The following CA13 variants were observed in gnomAD, a reference collection of about 807,000 sequenced individuals.
CA13 encodes the protein carbonic anhydrase 13, also known as CA-XIII.
Under a neutral mutation model 31.5 loss-of-function variants are expected in CA13, and 21 were observed. The ratio of observed to expected loss-of-function variants is 0.67; its 90% CI spans 0.47 to 0.96. The LOEUF (loss-of-function observed/expected upper bound fraction) is 0.96, where lower values mean the gene tolerates loss of function less well. Among genes scored for constraint, CA13 ranks in the 40% least tolerant of loss-of-function variants. The pLI, the probability that CA13 is intolerant of heterozygous loss-of-function variation, is 0.00. For synonymous variants in CA13, 117 were observed against 111.4 expected, an observed-to-expected ratio of 1.05 and a Z score of -0.32; for missense variants, 315 against 318.9, an observed-to-expected ratio of 0.99 and a Z score of 0.09.
intron 3 of CA13, 69 bp downstream of exon 3, chr8:85,259,608 AC>A (rs775508883): frequency 5.4e-5 from 67 of 1,247,386 alleles, no homozygotes; most frequent in Admixed American, 1.1e-4. Flanking sequence ...TACAGAGACA[AC>A]TTTACTGATT....
intron 6 of CA13, among the ~76,000 whole-genome samples, chr8:85,273,568 G>A (rs1229558168): frequency 6.6e-6 from 1 of 152,060 alleles, no homozygotes; most frequent in Non-Finnish European, 1.5e-5. Flanking sequence ...CTCCAGCAGC[G>A]TGCGTCAGGC....
intron 6 of CA13, among the ~76,000 whole-genome samples, chr8:85,278,328 T>G (rs1564005925): frequency 6.7e-6 from 1 of 149,490 alleles, no homozygotes; most frequent in South Asian, 2.1e-4. Flanking sequence ...AATTCACAAG[T>G]TTGGGGTAGG....
chr8:85,247,061 A>G (rs1813745791), intron 1 of CA13, among the ~76,000 whole-genome samples: 1 of 152,210 alleles, frequency 6.6e-6, no homozygotes, highest in South Asian at 2.1e-4. Context: ...CAGCAGGTGA[A>G]ATTTATAACT....
Position 85,274,592 on chromosome 8 carries a change from C to T in CA13, c.669+5965C>T, listed in dbSNP as rs115169330. 4.2e-3 allele frequency among the ~76,000 whole-genome samples: 634 copies of T among 152,184 alleles called. 4 individuals carry two copies. Among genetic ancestry groups the T allele is most frequent in the African/African-American group, 0.015 (607 of 41,494 alleles). ...TAGCGATATTAAACTTACCATAGAC[C>T]CCACCTTCTTCTGCTAATAAGTAGT... On this transcript the variant is annotated intron_variant, in intron 6 of 6. Transcript: ENST00000321764.
chr8:85,245,889 G>GT (rs781586323), intron 1 of CA13, 24 bp downstream of exon 1: 9 of 1,612,066 alleles, frequency 5.6e-6, no homozygotes, highest in Non-Finnish European at 6.8e-6. Flanking sequence ...CCTGATCCAA[G>GT]GGGGGGTTTG....
In CA13 at chr8:85,245,837, G is replaced by A. The variant is rs2129934257; in HGVS notation, c.9G>A (p.Arg3=). The A allele has an allele frequency of 1.2e-6, 2 of 1,614,152 alleles. No homozygotes were observed. The highest frequency in any genetic ancestry group is 2.2e-5 in the South Asian group (2 of 91,076). The change falls in exon 1 of 7, where the codon AGG becomes AGA. Residue 3 remains arginine, a synonymous_variant. Transcript: ENST00000321764. MS[R]LSWGYREHNG... is the part of the protein sequence containing the mutation. ...TTCCACCCCGAGGGACCATGTCGAG[G>A]CTCAGCTGGGGATACCGCGAGCACA...
intron 1 of CA13, among the ~76,000 whole-genome samples, chr8:85,248,186 G>A (rs983084432): frequency 5.3e-5 from 8 of 152,098 alleles, no homozygotes; most frequent in African/African-American, 9.7e-5. Context: ...GGCTGGGCAC[G>A]GTGGCTCATG....
chr8:85,263,735 G>C (rs1807418116), intron 3 of CA13, among the ~76,000 whole-genome samples: 1 of 152,148 alleles, frequency 6.6e-6, no homozygotes, highest in Non-Finnish European at 1.5e-5. Flanking sequence ...GGTTAAGTTT[G>C]AGATGTCTGT....
chr8:85,268,010 C>A, intron 5 of CA13, 46 bp downstream of exon 5: 1 of 1,197,560 alleles, frequency 8.4e-7, no homozygotes, highest in South Asian at 1.4e-5. Flanking sequence ...TTGTTCTCTC[C>A]CACATTCTCT....
At position 85,267,922 on chromosome 8, in the gene CA13, A is replaced by G; in HGVS notation, c.471A>G (p.Gln157=). The part of the protein sequence containing the change: ...VFLQIGEPNS[Q]LQKITDTLDS... Reference sequence around the variant, plus strand: ...TTTAGATTGGTGAACCTAATTCCCAACTGCAAAAGATTACTGACACTTTGG... The same window carrying G: ...TTTAGATTGGTGAACCTAATTCCCAGCTGCAAAAGATTACTGACACTTTGG... Residue 157 remains glutamine, a synonymous_variant, in exon 5 of 7, where the codon CAA becomes CAG. Coordinates refer to ENST00000321764, the MANE Select transcript of CA13 (RefSeq NM_198584.3). The G allele has an allele frequency of 1.9e-6, 3 of 1,598,296 alleles. No homozygotes were observed. The highest frequency in any genetic ancestry group is 8.6e-7 in the Non-Finnish European group (1 of 1,168,254).
At chr8:85,268,448 T>C in intron 5 of CA13, 24 bp from the exon 6 acceptor site, 2 of 1,613,180 alleles carry the variant, frequency 1.2e-6, no homozygotes, top group Non-Finnish European at 8.5e-7. Flanking sequence ...TTGTAATTTG[T>C]GGGAATTCTT....
chr8:85,281,464 T>C lies in CA13; in HGVS notation c.*115T>C. 6.8e-7 allele frequency: 1 copy of C among 1,475,298 alleles called. No individual in the cohort carries two copies. Among genetic ancestry groups the C allele is most frequent in the South Asian group, 1.4e-5 (1 of 71,392 alleles). 91.4% of individuals were successfully genotyped at this position (1,475,298 alleles called of 1,614,324 possible). On this transcript the variant is annotated 3_prime_UTR_variant, in exon 7 of 7. Coordinates refer to ENST00000321764, the MANE Select transcript of CA13 (RefSeq NM_198584.3). Reference sequence around the variant, plus strand: ...GTGGAATTCTAATTTATAGGAAACATTTTAGTATGAGCTTCAGTGTCACAA... The same window carrying C: ...GTGGAATTCTAATTTATAGGAAACACTTTAGTATGAGCTTCAGTGTCACAA...
At chr8:85,276,552 C>G (rs1007958388) in intron 6 of CA13, among the ~76,000 whole-genome samples, 6 of 152,260 alleles carry the variant, frequency 3.9e-5, no homozygotes, top group East Asian at 3.8e-4. Flanking sequence ...CTATTCCAAT[C>G]GGCACTCTGT....
rs751562410 is a variant in CA13, at chr8:85,245,848, G to GATACC, written c.21_25dup (p.Arg9HisfsTer33). 2 of 1,614,066 alleles carry GATACC rather than the reference G, an allele frequency of 1.2e-6. No individual in the cohort carries two copies. The highest frequency in any genetic ancestry group is 8.5e-7 in the Non-Finnish European group (1 of 1,180,034). The stretch of plus-strand genomic sequence containing the variant: ...GGGACCATGTCGAGGCTCAGCTGGG[G>GATACC]ATACCGCGAGCACAACGGTGAGCGC... On this transcript the variant is annotated frameshift_variant, in exon 1 of 7. Transcript: ENST00000321764. LOFTEE classifies it high-confidence loss of function.
At chr8:85,246,242 AG>A (rs1464771275) in intron 1 of CA13, 4 of 465,078 alleles carry the variant, frequency 8.6e-6, no homozygotes, top group Non-Finnish European at 8.3e-6. Context: ...AATAAGGACA[AG>A]TTCGCTTTCA....
At chr8:85,258,408 T>G (rs1807330538) in intron 2 of CA13, among the ~76,000 whole-genome samples, 1 of 152,154 alleles carries the variant, frequency 6.6e-6, no homozygotes, top group Non-Finnish European at 1.5e-5. Context: ...ATGACAGATT[T>G]TTGAAAAATT....
intron 2 of CA13, among the ~76,000 whole-genome samples, chr8:85,254,277 C>A (rs1225482771): frequency 1.8e-3 from 254 of 138,328 alleles, no homozygotes; most frequent in Middle Eastern, 7.4e-3. Flanking sequence ...GATTCCATCT[C>A]AAAAAAAAAA....
At position 85,281,565 on chromosome 8, in the gene CA13, G is replaced by A. The variant is rs1807708360; in HGVS notation, c.*216G>A. The A allele has an allele frequency of 1.7e-6, 2 of 1,181,288 alleles. No individual in the cohort carries two copies. Among genetic ancestry groups the A allele is most frequent in the Non-Finnish European group, 2.2e-6 (2 of 928,346 alleles). 73.2% of individuals were successfully genotyped at this position (1,181,288 alleles called of 1,614,324 possible). The stretch of plus-strand genomic sequence containing the variant: ...TCTCACTCTGTCACCCAGGCTGGAG[G>A]GCAGTGGTACAGTCTTGGCTAATTG... On this transcript the variant is annotated 3_prime_UTR_variant, in exon 7 of 7. Transcript: ENST00000321764.
At chr8:85,258,502 A>C (rs1807332109) in intron 2 of CA13, among the ~76,000 whole-genome samples, 1 of 152,174 alleles carries the variant, frequency 6.6e-6, no homozygotes, top group African/African-American at 2.4e-5. Flanking sequence ...TTTTACAGTA[A>C]AAAACTGTGT....
Sources: allele counts gnomAD v4.1 joint callset (sites outside exome capture counted in the v4.1 genomes callset), GRCh38; gene constraint gnomAD v4.1.1; transcripts MANE v1.5; gene names NCBI Gene and HGNC (gene_info 2026-07-23, HGNC 2026-07-21).